SLC16A12: variants seen among roughly 807,000 people sequenced by gnomAD.
SLC16A12 encodes solute carrier family 16 member 12.
In SLC16A12, 17 loss-of-function variants were observed where a neutral mutation model predicts 42.4. The observed-to-expected ratio is 0.40, with a 90% confidence interval of 0.27 to 0.60. SLC16A12 has a LOEUF of 0.60. SLC16A12 is among the 20% of genes least tolerant of loss of function. The probability of loss-of-function intolerance (pLI) is 0.42; values close to 1 mark genes in which losing one functional copy is unlikely to be tolerated. For missense variants in SLC16A12, 544 were observed against 623.0 expected (o/e 0.87, Z 1.35); for synonymous variants, 224 against 229.4 (o/e 0.98, Z 0.21).
At chr10:89,511,475 C>T (rs1843161190) in intron 2 of SLC16A12, among the ~76,000 whole-genome samples, 1 of 152,044 alleles carries the variant, frequency 6.6e-6, no homozygotes, top group South Asian at 2.1e-4. Flanking sequence ...CAAAGTAACA[C>T]AAGAAGAGAA....
intron 2 of SLC16A12, among the ~76,000 whole-genome samples, chr10:89,473,065 T>C (rs1842525955): frequency 6.6e-6 from 1 of 151,900 alleles, no homozygotes. Flanking sequence ...GCGATTCTCC[T>C]GCTTCGGCCT....
chr10:89,436,884 G>GAAAGAAAA (rs1438333254), intron 6 of SLC16A12, among the ~76,000 whole-genome samples: 2 of 144,464 alleles, frequency 1.4e-5, no homozygotes, highest in African/African-American at 2.7e-5. Flanking sequence ...AAGAAAGAAA[G>GAAAGAAAA]AAAGAAAGAA....
rs377646538 is a variant in SLC16A12, at chr10:89,444,833, C to T, written c.201-974G>A. Among the ~76,000 whole-genome samples the T allele has an allele frequency of 7.2e-5, 11 of 152,202 alleles. No homozygotes were observed. In the East Asian group the frequency reaches 1.9e-3, roughly 27 times the overall value. On this transcript the variant is annotated intron_variant, in intron 3 of 7. Coordinates refer to ENST00000371790, the MANE Select transcript of SLC16A12 (RefSeq NM_213606.4). ...TCACCCAGGAAGCACAAGGGGATTT[C>T]CCTTTCCTAGCTAAGGGAAGCTATG...
At chr10:89,503,459 C>G (rs1405042941) in intron 2 of SLC16A12, among the ~76,000 whole-genome samples, 1 of 152,184 alleles carries the variant, frequency 6.6e-6, no homozygotes, top group Non-Finnish European at 1.5e-5. Context: ...TAATAGCTCT[C>G]TGCCTTTTCC....
At chr10:89,466,419 A>C (rs1842401330) in intron 2 of SLC16A12, among the ~76,000 whole-genome samples, 1 of 152,174 alleles carries the variant, frequency 6.6e-6, no homozygotes, top group Non-Finnish European at 1.5e-5. Context: ...ACTGTTGAAC[A>C]ATAATTTCTA....
chr10:89,554,099 A>AGAGGGAAG (rs1843791497), intron 2 of SLC16A12, among the ~76,000 whole-genome samples: 1 of 14,432 alleles, frequency 6.9e-5, no homozygotes, highest in African/African-American at 2.9e-4. Context: ...AAAGAAAGAA[A>AGAGGGAAG]GAAGGAAGGA....
intron 2 of SLC16A12, among the ~76,000 whole-genome samples, chr10:89,530,922 T>C (rs1254334645): frequency 6.6e-6 from 1 of 152,188 alleles, no homozygotes; most frequent in African/African-American, 2.4e-5. Flanking sequence ...TCATACAACA[T>C]GTGGTCTTTG....
At position 89,438,611 on chromosome 10, in the gene SLC16A12, C is replaced by T. The variant is rs1205933366; in HGVS notation, c.1021G>A (p.Asp341Asn). The change falls in exon 6 of 8, where the codon GAC (aspartate) becomes AAC (asparagine). Residue 341 changes from aspartate (D) to asparagine (N), a missense_variant. Physicochemically the swap from Asp to Asn is conservative, Grantham distance 23. Coordinates refer to ENST00000371790, the MANE Select transcript of SLC16A12 (RefSeq NM_213606.4). The stretch of plus-strand genomic sequence containing the variant: ...TGGTTTCATGAATTTTACCTTCTGT[C>T]GGTCAGCCATCCAAATGTGATATTG... ...IGNITFGWLT[D>N]RRCLKNYQYV... 5 of 1,613,508 alleles carry T rather than the reference C, an allele frequency of 3.1e-6. No homozygotes were observed. In the East Asian group the frequency reaches 8.9e-5, roughly 29 times the overall value.
At chr10:89,507,052 A>T (rs1013558458) in intron 2 of SLC16A12, among the ~76,000 whole-genome samples, 5 of 151,852 alleles carry the variant, frequency 3.3e-5, no homozygotes, top group Non-Finnish European at 7.4e-5. Context: ...AAATGAAAAA[A>T]CCCTCCAAGA....
At chr10:89,436,854 GAAAGAAATAAAGAA>G (rs1165983771) in intron 6 of SLC16A12, among the ~76,000 whole-genome samples, 1 of 115,984 alleles carries the variant, frequency 8.6e-6, no homozygotes, top group Non-Finnish European at 1.9e-5. Context: ...AGAAAGAAAA[GAAAGAAATAAAGAA>G]AAAGAAAGAA....
intron 2 of SLC16A12, among the ~76,000 whole-genome samples, chr10:89,494,091 G>A (rs1479598213): frequency 1.3e-5 from 2 of 152,172 alleles, no homozygotes; most frequent in South Asian, 2.1e-4. Context: ...ATACAGTAAT[G>A]TTTAGTATTG....
chr10:89,438,462 AC>A, intron 6 of SLC16A12, 141 bp downstream of exon 6: 1 of 803,608 alleles, frequency 1.2e-6, no homozygotes, highest in South Asian at 2.0e-5. Flanking sequence ...ATCTAGAAGT[AC>A]CAGCAAGGGA....
chr10:89,441,676 G>T (rs1029885556), intron 4 of SLC16A12, among the ~76,000 whole-genome samples: 1 of 152,166 alleles, frequency 6.6e-6, no homozygotes, highest in Non-Finnish European at 1.5e-5. Flanking sequence ...GACCAGCAGG[G>T]TTATGCAGTA....
intron 2 of SLC16A12, among the ~76,000 whole-genome samples, chr10:89,476,519 T>C (rs1842583566): frequency 6.6e-6 from 1 of 152,166 alleles, no homozygotes; most frequent in African/African-American, 2.4e-5. Context: ...CACTCCCCAC[T>C]ATCTCCAGTG....
chr10:89,534,387 C>G (rs1269951351), intron 2 of SLC16A12, 114 bp downstream of exon 2: 4 of 152,176 alleles, frequency 2.6e-5, no homozygotes, highest in Admixed American at 2.0e-4. Flanking sequence ...TCCCCCTGGG[C>G]TAAGCTGGTG....
chr10:89,458,516 A>T (rs536811846), intron 3 of SLC16A12, among the ~76,000 whole-genome samples: 1 of 152,198 alleles, frequency 6.6e-6, no homozygotes, highest in African/African-American at 2.4e-5. Context: ...CGCACCAACT[A>T]TAATTAAGGA....
intron 2 of SLC16A12, among the ~76,000 whole-genome samples, chr10:89,548,125 C>T (rs568807854): frequency 6.6e-6 from 1 of 152,088 alleles, no homozygotes; most frequent in Non-Finnish European, 1.5e-5. Flanking sequence ...AATGCAGGTA[C>T]TAATACTTGC....
At chr10:89,466,340 T>C (rs1440657225) in intron 2 of SLC16A12, among the ~76,000 whole-genome samples, 6 of 152,196 alleles carry the variant, frequency 3.9e-5, no homozygotes. Context: ...GCTATGAGCA[T>C]TGCAGAAAAG....
intron 3 of SLC16A12, among the ~76,000 whole-genome samples, chr10:89,449,798 AACT>A (rs1228205276): frequency 6.6e-6 from 1 of 152,254 alleles, no homozygotes; most frequent in Non-Finnish European, 1.5e-5. Context: ...CAGCAAAAGA[AACT>A]ACCATCAGAG....
Sources: gnomAD v4.1 joint callset for allele counts (sites outside exome capture counted in the v4.1 genomes callset) on GRCh38, gnomAD v4.1.1 for gene constraint, MANE v1.5 for transcripts, NCBI Gene and HGNC (gene_info 2026-07-23, HGNC 2026-07-21) for gene names.